The following CDH18 variants were observed in gnomAD, a reference collection of about 807,000 sequenced individuals.
The protein encoded by CDH18 is cadherin-18.
In CDH18, 31 loss-of-function variants were observed where a neutral mutation model predicts 67.9. That is an observed-to-expected ratio of 0.46 (90% CI 0.34 to 0.62). The LOEUF is 0.62. Among genes scored for constraint, CDH18 ranks in the 20% least tolerant of loss-of-function variants. The pLI, the probability that CDH18 is intolerant of heterozygous loss-of-function variation, is 0.01. For synonymous variants in CDH18, 362 were observed against 347.2 expected, an observed-to-expected ratio of 1.04 and a Z score of -0.48; for missense variants, 890 against 975.5, an observed-to-expected ratio of 0.91 and a Z score of 1.17.
chr5:20,479,998 GAT>G (rs1752683872), intron 1 of CDH18, among the ~76,000 whole-genome samples: 1 of 152,058 alleles, frequency 6.6e-6, no homozygotes, highest in South Asian at 2.1e-4. Flanking sequence ...GTGGTGCTGA[GAT>G]AAATAAATTT....
chr5:20,529,214 T>A (rs569774300), intron 1 of CDH18, among the ~76,000 whole-genome samples: 26 of 151,428 alleles, frequency 1.7e-4, no homozygotes, highest in African/African-American at 5.6e-4. Context: ...AATCCCTGAA[T>A]AGACCAATAA....
At chr5:20,086,165 G>A (rs1744932685) in intron 2 of CDH18, among the ~76,000 whole-genome samples, 3 of 152,170 alleles carry the variant, frequency 2.0e-5, no homozygotes, top group Non-Finnish European at 4.4e-5. Context: ...GGTCTTGATA[G>A]ATGATCAAAC....
intron 4 of CDH18, among the ~76,000 whole-genome samples, chr5:19,744,319 G>C (rs574128770): frequency 2.6e-5 from 4 of 152,092 alleles, no homozygotes; most frequent in South Asian, 2.1e-4. Context: ...GAGAACTTAA[G>C]AATATTAACT....
intron 2 of CDH18, among the ~76,000 whole-genome samples, chr5:20,253,445 C>G (rs570208609): frequency 6.6e-6 from 1 of 152,282 alleles, no homozygotes; most frequent in South Asian, 2.1e-4. Context: ...AATTCAAAAT[C>G]TGGATGCTAA....
At chr5:19,541,376 C>T (rs1329817760) in intron 9 of CDH18, among the ~76,000 whole-genome samples, 1 of 151,890 alleles carries the variant, frequency 6.6e-6, no homozygotes, top group Non-Finnish European at 1.5e-5. Flanking sequence ...TCTGAGCCCT[C>T]CAAACTGTTT....
intron 2 of CDH18, among the ~76,000 whole-genome samples, chr5:20,244,306 C>T (rs1743208502): frequency 6.6e-6 from 1 of 152,054 alleles, no homozygotes; most frequent in South Asian, 2.1e-4. Flanking sequence ...ATGAGCTACA[C>T]ATTTTGTTCT....
At chr5:20,116,111 T>A (rs189738983) in intron 2 of CDH18, among the ~76,000 whole-genome samples, 1 of 152,100 alleles carries the variant, frequency 6.6e-6, no homozygotes, top group African/African-American at 2.4e-5. Context: ...TACTATAGAG[T>A]TCCTTTCTGT....
chr5:20,296,221 T>C (rs1169142662), intron 1 of CDH18, among the ~76,000 whole-genome samples: 1 of 150,420 alleles, frequency 6.6e-6, no homozygotes, highest in Non-Finnish European at 1.5e-5. Context: ...TTCACATACT[T>C]CCACTAAGGT....
intron 2 of CDH18, among the ~76,000 whole-genome samples, chr5:19,994,855 TAG>T (rs1554078420): frequency 1.6e-4 from 11 of 67,584 alleles, no homozygotes; most frequent in South Asian, 1.2e-3. Flanking sequence ...TATATATATA[TAG>T]AGAGAGAGAG....
At chr5:20,221,576 A>G (rs1741228861) in intron 2 of CDH18, among the ~76,000 whole-genome samples, 1 of 152,156 alleles carries the variant, frequency 6.6e-6, no homozygotes. Flanking sequence ...GCTATAGTCA[A>G]TAATAATTTA....
In CDH18 at chr5:20,334,379, C is replaced by T. The variant is rs1024986984; in HGVS notation, c.-579-78874G>A. On this transcript the variant is annotated intron_variant, in intron 1 of 14. Transcript: ENST00000507958. ...GTCTCGATCTCCTGACCTCGTGATCCGCCCGCCTCGGCCTCCCAAAGTGCT... is the reference window on the plus strand; with the variant it reads ...GTCTCGATCTCCTGACCTCGTGATCTGCCCGCCTCGGCCTCCCAAAGTGCT... Among the ~76,000 whole-genome samples, 11 of 151,702 alleles carry T rather than the reference C, an allele frequency of 7.3e-5. No homozygotes were observed. The East Asian group carries it at 1.2e-3, about 16-fold the overall frequency.
intron 1 of CDH18, among the ~76,000 whole-genome samples, chr5:20,415,453 A>G (rs1747215445): frequency 1.3e-5 from 2 of 152,334 alleles, no homozygotes; most frequent in Admixed American, 1.3e-4. Context: ...ACATACATAC[A>G]GTGGAATATC....
chr5:20,432,324 A>C (rs1748808737), intron 1 of CDH18, among the ~76,000 whole-genome samples: 4 of 152,294 alleles, frequency 2.6e-5, no homozygotes, highest in South Asian at 4.1e-4. Flanking sequence ...ACATTGAGAC[A>C]GAATGATAAT....
chr5:20,533,597 A>G (rs770283025), intron 1 of CDH18, among the ~76,000 whole-genome samples: 60 of 152,146 alleles, frequency 3.9e-4, no homozygotes, highest in East Asian at 7.7e-4. Context: ...CAAAGTTCAA[A>G]TAAGTGTATT....
chr5:20,495,463 C>T (rs1157291684), intron 1 of CDH18, among the ~76,000 whole-genome samples: 4 of 152,086 alleles, frequency 2.6e-5, no homozygotes, highest in African/African-American at 9.7e-5. Context: ...AATGATAATG[C>T]TATAGTAATG....
At chr5:20,148,583 A>T (rs1020147662) in intron 2 of CDH18, among the ~76,000 whole-genome samples, 1 of 152,170 alleles carries the variant, frequency 6.6e-6, no homozygotes, top group African/African-American at 2.4e-5. Flanking sequence ...GCGTATGCTC[A>T]GATTATACCA....
intron 11 of CDH18, among the ~76,000 whole-genome samples, chr5:19,484,837 C>A (rs552105769): frequency 6.6e-6 from 1 of 152,274 alleles, no homozygotes; most frequent in Admixed American, 6.5e-5. Flanking sequence ...CTAACACCTG[C>A]GCTCCAAATG....
At chr5:19,479,441 A>G (rs2126552305) in intron 12 of CDH18, among the ~76,000 whole-genome samples, 1 of 152,318 alleles carries the variant, frequency 6.6e-6, no homozygotes, top group Middle Eastern at 3.4e-3. Flanking sequence ...ACAGATGGCT[A>G]TATCCTGTAT....
At chr5:20,308,079 CTTTTTTTTTTTT>C (rs759117114) in intron 1 of CDH18, among the ~76,000 whole-genome samples, 3 of 85,436 alleles carry the variant, frequency 3.5e-5, no homozygotes, top group South Asian at 3.7e-4. Context: ...AATACTACTG[CTTTTTTTTTTTT>C]TTTTTTTTTT....
Sources: allele counts gnomAD v4.1 joint callset (sites outside exome capture counted in the v4.1 genomes callset), GRCh38; gene constraint gnomAD v4.1.1; transcripts MANE v1.5; gene names NCBI Gene and HGNC (gene_info 2026-07-23, HGNC 2026-07-21).